PRKG1: variants seen among roughly 807,000 people sequenced by gnomAD.
PRKG1 encodes the protein protein kinase cGMP-dependent 1.
PRKG1 carries 35 observed loss-of-function variants against 88.1 expected under a neutral mutation model. That is an observed-to-expected ratio of 0.40 (90% confidence interval 0.30 to 0.53). The LOEUF (loss-of-function observed/expected upper bound fraction) is 0.53. Ranked by LOEUF, PRKG1 falls within the 20% of genes least tolerant of loss-of-function variation. The probability of loss-of-function intolerance (pLI) is 0.59; values close to 1 mark genes in which losing one functional copy is unlikely to be tolerated. For missense variants in PRKG1, 540 were observed against 839.8 expected (o/e 0.64, Z 4.41); for synonymous variants, 303 against 292.5 (o/e 1.04, Z -0.37).
chr10:52,121,849 C>T (rs1172129491), intron 7 of PRKG1, among the ~76,000 whole-genome samples: 2 of 152,156 alleles, frequency 1.3e-5, no homozygotes, highest in Non-Finnish European at 2.9e-5. Flanking sequence ...TTTCCCTTAA[C>T]ACTCTGTTCA....
At chr10:51,383,876 A>G (rs1837181962) in intron 2 of PRKG1, among the ~76,000 whole-genome samples, 1 of 152,182 alleles carries the variant, frequency 6.6e-6, no homozygotes, top group African/African-American at 2.4e-5. Context: ...GTCTTCAATT[A>G]TGCAGCTTTC....
intron 1 of PRKG1, among the ~76,000 whole-genome samples, chr10:51,009,165 C>T (rs1329494873): frequency 7.2e-5 from 11 of 152,122 alleles, no homozygotes; most frequent in Non-Finnish European, 1.3e-4. Flanking sequence ...ATTTCAATGC[C>T]TTAATTCCCT....
intron 2 of PRKG1, among the ~76,000 whole-genome samples, chr10:51,460,664 A>C (rs1424476105): frequency 6.6e-6 from 1 of 152,216 alleles, no homozygotes; most frequent in Non-Finnish European, 1.5e-5. Context: ...GATAATGCAC[A>C]GAAAGCTTAT....
rs116708111 is a variant in PRKG1, at chr10:51,960,364, G to C, written c.762+52794G>C. Among the ~76,000 whole-genome samples the C allele has an allele frequency of 3.3e-3, 495 of 151,610 alleles. 5 individuals are homozygous for C. The highest frequency in any genetic ancestry group is 0.011 in the African/African-American group (471 of 41,396). On this transcript the variant is annotated intron_variant, in intron 5 of 17. Coordinates refer to ENST00000373980, the MANE Select transcript of PRKG1 (RefSeq NM_006258.4). ...GACTTTGGAAACAAGGTATGAAGGA[G>C]GGAAAAAACAGGAGCAGTAGTTATA...
intron 3 of PRKG1, among the ~76,000 whole-genome samples, chr10:51,509,250 C>A (rs1159761196): frequency 6.6e-6 from 1 of 152,144 alleles, no homozygotes; most frequent in Non-Finnish European, 1.5e-5. Flanking sequence ...GTATATTAGG[C>A]TAAGTAACTA....
chr10:51,086,314 C>T (rs942677182), intron 1 of PRKG1, among the ~76,000 whole-genome samples: 31 of 152,126 alleles, frequency 2.0e-4, no homozygotes, highest in South Asian at 8.3e-4. Context: ...TTTATTTTCC[C>T]TTCCTTTTGG....
chr10:51,530,667 G>A (rs1325133675), intron 3 of PRKG1, among the ~76,000 whole-genome samples: 1 of 151,918 alleles, frequency 6.6e-6, no homozygotes, highest in Non-Finnish European at 1.5e-5. Context: ...ATTTTGCCTG[G>A]GTCCCATGTG....
intron 4 of PRKG1, among the ~76,000 whole-genome samples, chr10:51,849,516 C>T (rs970948583): frequency 2.0e-5 from 3 of 152,026 alleles, no homozygotes; most frequent in Non-Finnish European, 4.4e-5. Flanking sequence ...GATTTGTTTT[C>T]CTTGAATCCA....
rs572973433 is a variant in PRKG1, at chr10:51,126,556, A to G, written c.312-26608A>G. 2.0e-3 allele frequency among the ~76,000 whole-genome samples: 306 copies of G among 149,366 alleles called. 2 individuals carry two copies. The highest frequency in any genetic ancestry group is 7.2e-3 in the African/African-American group (297 of 41,024). On this transcript the variant is annotated intron_variant, in intron 1 of 17. Coordinates refer to ENST00000373980, the MANE Select transcript of PRKG1 (RefSeq NM_006258.4). ...ATTTATTAAAAATTATATAATTTGT[A>G]GATTTAATGCTATTCCCATTAAACT...
At chr10:51,136,643 T>C (rs1247426756) in intron 1 of PRKG1, among the ~76,000 whole-genome samples, 4 of 150,622 alleles carry the variant, frequency 2.7e-5, no homozygotes, top group Non-Finnish European at 4.4e-5. Context: ...ACAGGAGATA[T>C]ATGGAAAAAT....
At chr10:51,303,801 C>A (rs1564438188) in intron 2 of PRKG1, among the ~76,000 whole-genome samples, 3 of 151,526 alleles carry the variant, frequency 2.0e-5, no homozygotes, top group East Asian at 1.9e-4. Flanking sequence ...AAAACTATAT[C>A]TATATATATA....
At chr10:52,050,102 G>C (rs550916050) in intron 5 of PRKG1, among the ~76,000 whole-genome samples, 1 of 152,080 alleles carries the variant, frequency 6.6e-6, no homozygotes, top group South Asian at 2.1e-4. Context: ...TGCCAGGTGA[G>C]AGAAGGCTAA....
intron 2 of PRKG1, among the ~76,000 whole-genome samples, chr10:51,169,740 G>A (rs538024687): frequency 8.3e-4 from 117 of 141,778 alleles, no homozygotes; most frequent in African/African-American, 3.4e-3. Flanking sequence ...TTCTGATTCT[G>A]CCATATAACC....
chr10:52,019,451 C>G (rs1399979361), intron 5 of PRKG1, among the ~76,000 whole-genome samples: 7 of 152,156 alleles, frequency 4.6e-5, no homozygotes, highest in Non-Finnish European at 1.0e-4. Flanking sequence ...AGATTTACAT[C>G]TCAAAGGGGT....
chr10:52,005,495 A>T (rs564349602), intron 5 of PRKG1, among the ~76,000 whole-genome samples: 1 of 152,164 alleles, frequency 6.6e-6, no homozygotes, highest in African/African-American at 2.4e-5. Context: ...ACTGGTAGTT[A>T]GGCAGGCATT....
At chr10:51,488,999 A>C (rs1252469717) in intron 3 of PRKG1, among the ~76,000 whole-genome samples, 2 of 152,148 alleles carry the variant, frequency 1.3e-5, no homozygotes, top group Admixed American at 1.3e-4. Flanking sequence ...ACAAAACAAA[A>C]CAAAAAAACT....
intron 4 of PRKG1, among the ~76,000 whole-genome samples, chr10:51,892,250 G>T (rs976206400): frequency 6.6e-6 from 1 of 152,042 alleles, no homozygotes; most frequent in African/African-American, 2.4e-5. Context: ...AGCAAATAAA[G>T]ACTTTAATAA....
intron 4 of PRKG1, among the ~76,000 whole-genome samples, chr10:51,840,443 C>T (rs1840243200): frequency 6.6e-6 from 1 of 152,058 alleles, no homozygotes; most frequent in Admixed American, 6.5e-5. Context: ...TGATATGGAT[C>T]ATGCAGGTTC....
chr10:51,978,400 T>C (rs1843903506), intron 5 of PRKG1, among the ~76,000 whole-genome samples: 1 of 151,232 alleles, frequency 6.6e-6, no homozygotes, highest in Non-Finnish European at 1.5e-5. Flanking sequence ...TCCAGCTTTG[T>C]TCTATTTGCT....
Sources: gnomAD v4.1 joint callset for allele counts (sites outside exome capture counted in the v4.1 genomes callset) on GRCh38, gnomAD v4.1.1 for gene constraint, MANE v1.5 for transcripts, NCBI Gene and HGNC (gene_info 2026-07-23, HGNC 2026-07-21) for gene names.